ATF7IP2: variants seen among roughly 807,000 people sequenced by gnomAD.
ATF7IP2 encodes the protein activating transcription factor 7 interacting protein 2, also known as activating transcription factor 7-interacting protein 2.
In ATF7IP2, 42 loss-of-function variants were observed where a neutral mutation model predicts 64.2. That is an observed-to-expected ratio of 0.65 (90% CI 0.51 to 0.85). The LOEUF is 0.85. Ranked by LOEUF, ATF7IP2 falls within the 40% of genes least tolerant of loss-of-function variation. The pLI, the probability that ATF7IP2 is intolerant of heterozygous loss-of-function variation, is 0.00. For missense variants in ATF7IP2, 933 were observed against 784.2 expected (o/e 1.19, Z -2.27); for synonymous variants, 308 against 272.8 (o/e 1.13, Z -1.27).
chr16:10,477,890 A>G (rs1371296613), intron 12 of ATF7IP2, among the ~76,000 whole-genome samples: 1 of 148,830 alleles, frequency 6.7e-6, no homozygotes, highest in Non-Finnish European at 1.5e-5. Flanking sequence ...TCATGAGTGA[A>G]CTCCCATTCG....
In ATF7IP2 at chr16:10,482,270, A is replaced by G. The variant is rs2142120389; in HGVS notation, c.*21A>G. ...CGTAAAAGGTGTTTAATAATGATAT[A>G]CTACTTTTTTTTTCATATTTGTTTG... On this transcript the variant is annotated 3_prime_UTR_variant, in exon 14 of 14. Transcript: ENST00000562102. 1 of 1,499,862 alleles carries G rather than the reference A, an allele frequency of 6.7e-7. No homozygotes were observed. Among genetic ancestry groups the G allele is most frequent in the East Asian group, 2.3e-5 (1 of 44,122 alleles). 92.9% of individuals were successfully genotyped at this position (1,499,862 alleles called of 1,614,324 possible).
At chr16:10,456,051 C>T (rs1339864436) in intron 8 of ATF7IP2, among the ~76,000 whole-genome samples, 1 of 151,712 alleles carries the variant, frequency 6.6e-6, no homozygotes, top group Non-Finnish European at 1.5e-5. Context: ...ACAATCTCGG[C>T]TCACTGCAAC....
At chr16:10,473,894 C>CTTTTTTTTTTT (rs56766112) in intron 11 of ATF7IP2, 29 bp from the exon 12 acceptor site, 5 of 1,044,348 alleles carry the variant, frequency 4.8e-6, no homozygotes, top group South Asian at 4.0e-5. Flanking sequence ...TGAGGCAAAG[C>CTTTTTTTTTTT]TTTTTTTTTT....
At chr16:10,388,587 G>A (rs2047254360) in intron 1 of ATF7IP2, among the ~76,000 whole-genome samples, 1 of 152,208 alleles carries the variant, frequency 6.6e-6, no homozygotes, top group African/African-American at 2.4e-5. Context: ...GTGACTTTGG[G>A]AGGCTTTTCA....
rs1221050737 is a variant in ATF7IP2, at chr16:10,428,360, CT to C, written c.-159-504del. Among the ~76,000 whole-genome samples the C allele has an allele frequency of 3.9e-5, 6 of 152,234 alleles. No homozygotes were observed. The East Asian group carries it at 1.2e-3, about 29-fold the overall frequency. ...TTCAGCACGTTTTACTAATTTGGGC[CT>C]TTTCCAAAGGCCCTTAGAAGGGCCA... On this transcript the variant is annotated intron_variant, in intron 3 of 13. Coordinates refer to ENST00000562102, the MANE Select transcript of ATF7IP2 (RefSeq NM_001393719.1).
intron 7 of ATF7IP2, among the ~76,000 whole-genome samples, 164 bp from the exon 8 acceptor site, chr16:10,440,200 T>C (rs1386111766): frequency 6.6e-6 from 1 of 152,170 alleles, no homozygotes; most frequent in Non-Finnish European, 1.5e-5. Context: ...GTATATGTTA[T>C]ACAAGCATAA....
chr16:10,415,465 T>G lies in ATF7IP2; in HGVS notation c.-203+853T>G, dbSNP rs146926983. On this transcript the variant is annotated intron_variant, in intron 2 of 13. Coordinates refer to ENST00000562102, the MANE Select transcript of ATF7IP2 (RefSeq NM_001393719.1). ...ATTAGATCTGTTATCTCTCACTATA[T>G]ATAAAAAGGCAAAATGGATTGCTTA... Among the ~76,000 whole-genome samples the G allele has an allele frequency of 3.3e-5, 5 of 152,332 alleles. 1 individual carries two copies. The highest frequency in any genetic ancestry group is 1.2e-4 in the African/African-American group (5 of 41,582).
intron 6 of ATF7IP2, among the ~76,000 whole-genome samples, chr16:10,435,625 A>T (rs569222702): frequency 6.6e-6 from 1 of 152,340 alleles, no homozygotes; most frequent in African/African-American, 2.4e-5. Flanking sequence ...TACTTAGTCA[A>T]AAATGATCAA....
At chr16:10,475,120 T>C (rs373703908) in intron 12 of ATF7IP2, among the ~76,000 whole-genome samples, 39 of 151,230 alleles carry the variant, frequency 2.6e-4, no homozygotes, top group African/African-American at 9.0e-4. Flanking sequence ...CTTCAAATGA[T>C]AGTAAAAGAT....
intron 12 of ATF7IP2, among the ~76,000 whole-genome samples, chr16:10,476,494 G>T (rs1205384616): frequency 6.6e-6 from 1 of 151,976 alleles, no homozygotes; most frequent in Non-Finnish European, 1.5e-5. Flanking sequence ...TTGTGTGTGT[G>T]TGTGTTTTTT....
intron 1 of ATF7IP2, among the ~76,000 whole-genome samples, chr16:10,413,667 G>A: frequency 6.6e-6 from 1 of 152,120 alleles, no homozygotes; most frequent in African/African-American, 2.4e-5. Context: ...GTTTTGATGT[G>A]TTTCCGAGAT....
At chr16:10,481,299 C>G (rs1205956324) in intron 13 of ATF7IP2, among the ~76,000 whole-genome samples, 1 of 152,148 alleles carries the variant, frequency 6.6e-6, no homozygotes, top group East Asian at 1.9e-4. Flanking sequence ...GGCATGATCT[C>G]GGCTCACTGC....
intron 9 of ATF7IP2, among the ~76,000 whole-genome samples, chr16:10,461,014 A>G (rs942186453): frequency 2.0e-5 from 3 of 152,164 alleles, no homozygotes; most frequent in African/African-American, 7.2e-5. Flanking sequence ...CAAATAATAC[A>G]AAAGAAAAAT....
chr16:10,419,138 T>G (rs1165885391), intron 2 of ATF7IP2, among the ~76,000 whole-genome samples: 1 of 152,180 alleles, frequency 6.6e-6, no homozygotes, highest in African/African-American at 2.4e-5. Flanking sequence ...GCAGTATGCC[T>G]CAATTATAGG....
chr16:10,421,238 A>G (rs1330589728), intron 3 of ATF7IP2, among the ~76,000 whole-genome samples: 1 of 152,182 alleles, frequency 6.6e-6, no homozygotes, highest in Non-Finnish European at 1.5e-5. Context: ...GCCACTGTAC[A>G]AGATCTTGCT....
At chr16:10,405,888 T>A (rs1596448517) in intron 1 of ATF7IP2, among the ~76,000 whole-genome samples, 1 of 152,128 alleles carries the variant, frequency 6.6e-6, no homozygotes, top group East Asian at 1.9e-4. Flanking sequence ...AAGTCAGGAG[T>A]TCATAACCAG....
At chr16:10,445,121 AT>A (rs1207358937) in intron 8 of ATF7IP2, among the ~76,000 whole-genome samples, 2 of 152,144 alleles carry the variant, frequency 1.3e-5, no homozygotes, top group Non-Finnish European at 2.9e-5. Context: ...TAGGGTATAA[AT>A]TCCTATACAC....
intron 2 of ATF7IP2, among the ~76,000 whole-genome samples, chr16:10,419,192 A>G (rs1377620306): frequency 6.6e-6 from 1 of 152,228 alleles, no homozygotes; most frequent in Non-Finnish European, 1.5e-5. Context: ...AAGCATGTGT[A>G]ACTGTGTCAT....
intron 7 of ATF7IP2, among the ~76,000 whole-genome samples, chr16:10,439,070 G>C (rs2048520752): frequency 7.8e-6 from 1 of 127,704 alleles, no homozygotes. Context: ...AAAAAAAATA[G>C]GCAGTTTCTT....
Sources: allele counts gnomAD v4.1 joint callset (sites outside exome capture counted in the v4.1 genomes callset), GRCh38; gene constraint gnomAD v4.1.1; transcripts MANE v1.5; gene names NCBI Gene and HGNC (gene_info 2026-07-23, HGNC 2026-07-21).